ENOSF1: variants seen among roughly 807,000 people sequenced by gnomAD.
ENOSF1 encodes enolase superfamily member 1, also known as mitochondrial enolase superfamily member 1.
A neutral mutation model predicts 68.2 loss-of-function variants in ENOSF1; 73 were observed. The observed-to-expected ratio is 1.07, with a 90% CI of 0.89 to 1.30. The LOEUF (loss-of-function observed/expected upper bound fraction) is 1.30, where lower values mean the gene tolerates loss of function less well. ENOSF1 is among the 50% of genes most tolerant of loss of function. ENOSF1 has a pLI of 0.00. For synonymous variants in ENOSF1, 223 were observed against 210.4 expected (o/e 1.06, Z -0.52); for missense variants, 589 against 554.5 (o/e 1.06, Z -0.62).
downstream of ENOSF1, among the ~76,000 whole-genome samples, chr18:666,781 A>G (rs1479445629): frequency 6.6e-6 from 1 of 152,266 alleles, no homozygotes; most frequent in African/African-American, 2.4e-5. Context: ...GCAAGTTCTT[A>G]AAGGCAGAAA....
chr18:707,485 G>A (rs2079060783), intron 1 of ENOSF1: 2 of 152,320 alleles, frequency 1.3e-5, no homozygotes, highest in South Asian at 4.1e-4. Context: ...TTATAGCAGG[G>A]CTGAAAATAC....
In ENOSF1 at chr18:670,780, A is replaced by T; in HGVS notation, c.*3525T>A. 6.2e-7 allele frequency: 1 copy of T among 1,614,000 alleles called. No homozygotes were observed. Among genetic ancestry groups the T allele is most frequent in the Non-Finnish European group, 8.5e-7 (1 of 1,180,010 alleles). On this transcript the variant is annotated 3_prime_UTR_variant, in exon 16 of 16. Transcript: ENST00000647584. ...AGCTGTCCTGCCAGCTGTACCAGAGATCGGGAGACATGGGCCTCGGTGTGC... is the reference window on the plus strand; with the variant it reads ...AGCTGTCCTGCCAGCTGTACCAGAGTTCGGGAGACATGGGCCTCGGTGTGC...
chr18:667,950 T>C (rs2853525), downstream of ENOSF1, among the ~76,000 whole-genome samples: 50,929 of 147,822 alleles, frequency 0.34, 9,355 homozygotes, highest in East Asian at 0.67. Flanking sequence ...TAGGAAAGTT[T>C]GTCCCTTTTT....
At position 672,801 on chromosome 18, in the gene ENOSF1, G is replaced by C. The variant is rs565099702; in HGVS notation, c.*1504C>G. On this transcript the variant is annotated 3_prime_UTR_variant, in exon 16 of 16. Coordinates refer to ENST00000647584, the MANE Select transcript of ENOSF1 (RefSeq NM_017512.7). The stretch of plus-strand genomic sequence containing the variant: ...CTGTGTACTTGTTTCACGGACATGA[G>C]GAGCAATTACAACAGGTCGTACAAT... The C allele has an allele frequency of 2.0e-6, 3 of 1,507,072 alleles. No homozygotes were observed. The highest frequency in any genetic ancestry group is 2.8e-5 in the African/African-American group (2 of 72,646). The allele number at this position is 1,507,072 out of a possible 1,614,324, so 93.4% of individuals were successfully genotyped here.
chr18:666,969 T>TGATGGTGATGGA (rs2074841687), downstream of ENOSF1, among the ~76,000 whole-genome samples: 1 of 13,962 alleles, frequency 7.2e-5, no homozygotes, highest in African/African-American at 3.6e-4. Context: ...ATGGAGATGG[T>TGATGGTGATGGA]GATGGAGATG....
At chr18:680,551 G>A (rs749993331) in intron 11 of ENOSF1, among the ~76,000 whole-genome samples, 2 of 151,632 alleles carry the variant, frequency 1.3e-5, no homozygotes, top group Non-Finnish European at 2.9e-5. Context: ...AAGCCTCCTC[G>A]CTCCCATCCC....
intron 4 of ENOSF1, 106 bp downstream of exon 4, chr18:694,142 T>C: frequency 1.6e-6 from 2 of 1,229,078 alleles, no homozygotes; most frequent in Non-Finnish European, 2.3e-6. Flanking sequence ...CAATTATCTG[T>C]ATTTCCTTTT....
rs774146272 is a variant in ENOSF1, at chr18:671,424, G to T, written c.*2881C>A. ...CTTTGGGAGATGCACATATTTACCT[G>T]AATCACATCGAGCCACTGAAAATTC... On this transcript the variant is annotated 3_prime_UTR_variant, in exon 16 of 16. Coordinates refer to ENST00000647584, the MANE Select transcript of ENOSF1 (RefSeq NM_017512.7). 1.2e-6 allele frequency: 2 copies of T among 1,611,582 alleles called. No individual in the cohort carries two copies. Among genetic ancestry groups the T allele is most frequent in the Admixed American group, 1.7e-5 (1 of 59,542 alleles).
Position 681,047 on chromosome 18 carries a change from A to T in ENOSF1, c.876+2199T>A, listed in dbSNP as rs143438643. ...CAGCTAATTTTTGTATTTTTAGTAGAGACGAGGTTTCACCATGTTGGCCAG... is the reference window on the plus strand; with the variant it reads ...CAGCTAATTTTTGTATTTTTAGTAGTGACGAGGTTTCACCATGTTGGCCAG... On this transcript the variant is annotated intron_variant, in intron 11 of 15. Transcript: ENST00000647584. Among the ~76,000 whole-genome samples the T allele has an allele frequency of 0.018, 2,719 of 152,158 alleles. 168 individuals are homozygous for T. In the East Asian group the frequency reaches 0.24, roughly 13 times the overall value.
the ENOSF1 span, among the ~76,000 whole-genome samples, chr18:664,635 T>C: frequency 2.1e-5 from 3 of 143,112 alleles, no homozygotes; most frequent in African/African-American, 5.4e-5. Context: ...GCCCATTCAG[T>C]ATGATATTGG....
At position 670,653 on chromosome 18, in the gene ENOSF1, AC is replaced by A. The variant is rs2075001133; in HGVS notation, c.*3651del. The A allele has an allele frequency of 6.2e-7, 1 of 1,605,668 alleles. No homozygotes were observed. The highest frequency in any genetic ancestry group is 1.3e-5 in the African/African-American group (1 of 74,522). On this transcript the variant is annotated 3_prime_UTR_variant, in exon 16 of 16. Transcript: ENST00000647584. ...TTTGCCTTTAGCTGTGGTCTTTCAA[AC>A]CACCATCCCTCCTTATCTTCCTCTG...
intron 12 of ENOSF1, among the ~76,000 whole-genome samples, chr18:678,132 T>C (rs192705951): frequency 4.0e-4 from 61 of 152,298 alleles, no homozygotes; most frequent in African/African-American, 1.4e-3. Context: ...TCGCCATTTA[T>C]GAGGGAATGA....
chr18:710,613 G>A (rs1309258521), intron 1 of ENOSF1, among the ~76,000 whole-genome samples: 1 of 152,226 alleles, frequency 6.6e-6, no homozygotes, highest in Non-Finnish European at 1.5e-5. Context: ...CTGGGCTCAA[G>A]TGATCCCCCT....
intron 12 of ENOSF1, 123 bp from the exon 13 acceptor site, chr18:677,995 G>A (rs889338672): frequency 8.2e-7 from 1 of 1,212,602 alleles, no homozygotes; most frequent in Non-Finnish European, 1.1e-6. Flanking sequence ...AGGAAGCCCA[G>A]ACTGTATTTC....
At position 694,327 on chromosome 18, in the gene ENOSF1, G is replaced by A. The variant is rs777149939; in HGVS notation, c.317C>T (p.Pro106Leu). The stretch of plus-strand genomic sequence containing the variant: ...CGCCAGGTGCACCACGCCCTTTTCT[G>A]GACCAATCTGGTTAGGAAGCAAAGT... ...TSDGQLRWIG[P>L]EKGVVHLATA... The change falls in exon 4 of 16, where the codon CCA (proline) becomes CTA (leucine). Residue 106 changes from proline to leucine, a missense_variant. Pro to Leu is a moderately conservative substitution (Grantham distance 98). Coordinates refer to ENST00000647584, the MANE Select transcript of ENOSF1 (RefSeq NM_017512.7). 3.1e-6 allele frequency: 5 copies of A among 1,613,992 alleles called. No individual in the cohort carries two copies. Among genetic ancestry groups the A allele is most frequent in the Admixed American group, 1.7e-5 (1 of 60,002 alleles).
At chr18:669,144 G>C (rs761487013), downstream of ENOSF1, 2 of 1,614,164 alleles carry the variant, frequency 1.2e-6, no homozygotes, top group Non-Finnish European at 1.7e-6. Context: ...GACGACAGAA[G>C]AATCATCATG....
rs550169933 is a variant in ENOSF1 at position 710,691 on chromosome 18, G to A, written c.84+1813C>T. Among the ~76,000 whole-genome samples, 6 of 152,204 alleles carry A rather than the reference G, an allele frequency of 3.9e-5. No homozygotes were observed. The South Asian group carries it at 1.2e-3, about 32-fold the overall frequency. On this transcript the variant is annotated intron_variant, in intron 1 of 15. Coordinates refer to ENST00000647584, the MANE Select transcript of ENOSF1 (RefSeq NM_017512.7). Reference sequence around the variant, plus strand: ...CTGGCCTATAGCCAACTTTACTGACGGCCTTCTCTGAGCCAGGCTCTTTAC... The same window carrying A: ...CTGGCCTATAGCCAACTTTACTGACAGCCTTCTCTGAGCCAGGCTCTTTAC...
chr18:708,971 C>T (rs2079223925), intron 1 of ENOSF1, among the ~76,000 whole-genome samples: 1 of 152,112 alleles, frequency 6.6e-6, no homozygotes, highest in South Asian at 2.1e-4. Flanking sequence ...TGCACTGAAG[C>T]CTCAGATGAG....
rs775769178 is a variant in ENOSF1 at position 697,266 on chromosome 18, G to C, written c.283C>G (p.Leu95Val). The C allele has an allele frequency of 3.1e-6, 5 of 1,613,954 alleles. No homozygotes were observed. In the East Asian group the frequency reaches 1.1e-4, roughly 36 times the overall value. Reference sequence around the variant, plus strand: ...CATCTGAGCTGCCCATCACTTGTGAGCTGCCTATAGAAGCCTCTGAAGTCA... The same window carrying C: ...CATCTGAGCTGCCCATCACTTGTGACCTGCCTATAGAAGCCTCTGAAGTCA... ...VGDFRGFYRQ[L>V]TSDGQLRWIG... Residue 95 changes from leucine to valine, a missense_variant, in exon 3 of 16, where the codon CTC becomes GTC. Coordinates refer to ENST00000647584, the MANE Select transcript of ENOSF1 (RefSeq NM_017512.7).
Sources: gnomAD v4.1 joint callset for allele counts (sites outside exome capture counted in the v4.1 genomes callset) on GRCh38, gnomAD v4.1.1 for gene constraint, MANE v1.5 for transcripts, NCBI Gene and HGNC (gene_info 2026-07-23, HGNC 2026-07-21) for gene names.